ANKRD11: variants seen among roughly 807,000 people sequenced by gnomAD.
The protein encoded by ANKRD11 is ankyrin repeat domain 11.
A neutral mutation model predicts 195.7 loss-of-function variants in ANKRD11; 17 were observed. The observed-to-expected ratio is 0.09, with a 90% CI of 0.06 to 0.13. The LOEUF is 0.13. Among genes scored for constraint, ANKRD11 ranks in the 10% least tolerant of loss-of-function variants. ANKRD11 has a pLI of 1.00. For synonymous variants in ANKRD11, 1,953 were observed against 1,528.1 expected, an observed-to-expected ratio of 1.28 and a Z score of -6.49; for missense variants, 3,735 against 3,566.1, an observed-to-expected ratio of 1.05 and a Z score of -1.21.
chr16:89,274,665 C>T, intron 11 of ANKRD11, 149 bp downstream of exon 11: 1 of 1,214,040 alleles, frequency 8.2e-7, no homozygotes. Context: ...TCGCCCAAGG[C>T]TAGAGGCATG....
intron 1 of ANKRD11, among the ~76,000 whole-genome samples, chr16:89,428,576 C>T (rs2042830900): frequency 6.6e-6 from 1 of 151,958 alleles, no homozygotes; most frequent in South Asian, 2.1e-4. Flanking sequence ...CAATAACCAA[C>T]ATAACATTAT....
At chr16:89,382,903 T>G (rs1437696130) in intron 2 of ANKRD11, among the ~76,000 whole-genome samples, 1 of 151,738 alleles carries the variant, frequency 6.6e-6, no homozygotes, top group Non-Finnish European at 1.5e-5. Context: ...TGCAGCAGCA[T>G]GATCTCGGCT....
chr16:89,388,854 G>A (rs903024655), intron 2 of ANKRD11, among the ~76,000 whole-genome samples: 1 of 152,206 alleles, frequency 6.6e-6, no homozygotes, highest in African/African-American at 2.4e-5. Flanking sequence ...ACTGAACCAA[G>A]CTCCAGCCTG....
chr16:89,422,304 C>T (rs1329863587), intron 1 of ANKRD11: 1 of 151,948 alleles, frequency 6.6e-6, no homozygotes, highest in African/African-American at 2.4e-5. Context: ...GCGACTGAGA[C>T]CCTAAGAATA....
At chr16:89,308,179 A>T (rs759131001) in intron 3 of ANKRD11, among the ~76,000 whole-genome samples, 5 of 152,274 alleles carry the variant, frequency 3.3e-5, no homozygotes, top group Admixed American at 1.3e-4. Flanking sequence ...ATGAACATAG[A>T]CAGGATATAT....
intron 2 of ANKRD11, among the ~76,000 whole-genome samples, chr16:89,326,784 T>A (rs1252053011): frequency 1.3e-5 from 2 of 151,772 alleles, no homozygotes; most frequent in Non-Finnish European, 2.9e-5. Context: ...AACCGGGGCA[T>A]GAAAAAGTGC....
At chr16:89,359,898 G>A (rs2039659305) in intron 2 of ANKRD11, among the ~76,000 whole-genome samples, 1 of 151,514 alleles carries the variant, frequency 6.6e-6, no homozygotes, top group South Asian at 2.1e-4. Flanking sequence ...TAGTTTATAT[G>A]TTTTTTAACT....
chr16:89,298,685 C>T (rs1047507863), intron 4 of ANKRD11, among the ~76,000 whole-genome samples: 8 of 152,274 alleles, frequency 5.3e-5, no homozygotes, highest in African/African-American at 9.6e-5. Context: ...GCCTGGCTAC[C>T]GGCCTAAGTG....
chr16:89,290,544 G>A (rs1238015871), intron 6 of ANKRD11, 81 bp downstream of exon 6: 22 of 1,464,994 alleles, frequency 1.5e-5, no homozygotes, highest in Non-Finnish European at 1.8e-5. Flanking sequence ...GGCTCCAATG[G>A]GGGGAGGCTC....
chr16:89,407,054 CA>C (rs2041933510), intron 2 of ANKRD11, among the ~76,000 whole-genome samples: 1 of 151,956 alleles, frequency 6.6e-6, no homozygotes, highest in African/African-American at 2.4e-5. Context: ...GACATGGTGG[CA>C]GGCATCTGTA....
At chr16:89,392,449 C>T (rs574172413) in intron 2 of ANKRD11, 3 of 151,994 alleles carry the variant, frequency 2.0e-5, no homozygotes, top group South Asian at 2.1e-4. Flanking sequence ...AATGGGTAAA[C>T]GATGGAAATA....
At position 89,423,954 on chromosome 16, in the gene ANKRD11, A is replaced by G. The variant is rs142789752; in HGVS notation, c.-144-5586T>C. 5.1e-3 allele frequency among the ~76,000 whole-genome samples: 781 copies of G among 152,242 alleles called. 5 individuals are homozygous for G. The highest frequency in any genetic ancestry group is 0.018 in the African/African-American group (758 of 41,540). On this transcript the variant is annotated intron_variant, in intron 1 of 12. Transcript: ENST00000301030. ...ACTTAAGCGGGTAAGAGGACAGGGT[A>G]CAACCTTGTAAGCGGGTAAGGGGAC...
chr16:89,426,568 A>ACACACACACACACAC (rs1320103877), intron 1 of ANKRD11, among the ~76,000 whole-genome samples: 1 of 81,620 alleles, frequency 1.2e-5, no homozygotes, highest in East Asian at 5.5e-4. Flanking sequence ...CACACACACA[A>ACACACACACACACAC]ATCTGAAATC....
At chr16:89,414,367 G>A (rs866950359) in intron 2 of ANKRD11, among the ~76,000 whole-genome samples, 71 of 152,112 alleles carry the variant, frequency 4.7e-4, no homozygotes, top group African/African-American at 1.6e-3. Context: ...TCAGCAGTCC[G>A]CTGTCACTCA....
intron 2 of ANKRD11, among the ~76,000 whole-genome samples, chr16:89,408,514 C>T (rs971219478): frequency 3.9e-5 from 6 of 152,224 alleles, no homozygotes; most frequent in Admixed American, 3.9e-4. Flanking sequence ...TCTGGCACAC[C>T]GCAGGCCAGC....
chr16:89,476,308 G>A (rs773174733), intron 1 of ANKRD11, among the ~76,000 whole-genome samples: 12 of 152,082 alleles, frequency 7.9e-5, no homozygotes, highest in African/African-American at 1.2e-4. Flanking sequence ...CACCACAATC[G>A]GGATGGTCAT....
chr16:89,450,170 T>G (rs1006564906), intron 1 of ANKRD11, among the ~76,000 whole-genome samples: 2 of 152,198 alleles, frequency 1.3e-5, no homozygotes, highest in African/African-American at 4.8e-5. Flanking sequence ...TGACCCTGAC[T>G]TCCTCTTAAC....
intron 1 of ANKRD11, among the ~76,000 whole-genome samples, chr16:89,480,571 T>G (rs1232635274): frequency 6.6e-6 from 1 of 151,990 alleles, no homozygotes; most frequent in African/African-American, 2.4e-5. Flanking sequence ...ACAGAAGATA[T>G]AAAACAAAAA....
At chr16:89,416,621 A>G (rs540860489) in intron 2 of ANKRD11, among the ~76,000 whole-genome samples, 1 of 150,200 alleles carries the variant, frequency 6.7e-6, no homozygotes. Context: ...TAATAATTTT[A>G]TTTTTCACAC....
Sources: gnomAD v4.1 joint callset for allele counts (sites outside exome capture counted in the v4.1 genomes callset) on GRCh38, gnomAD v4.1.1 for gene constraint, MANE v1.5 for transcripts, NCBI Gene and HGNC (gene_info 2026-07-23, HGNC 2026-07-21) for gene names.